The following RBPJL variants were observed in gnomAD, a reference collection of about 807,000 sequenced individuals.
The protein encoded by RBPJL is recombining binding protein suppressor of hairless-like protein.
RBPJL carries 50 observed loss-of-function variants against 57.6 expected under a neutral mutation model. The observed-to-expected ratio is 0.87, with a 90% CI of 0.69 to 1.10. The LOEUF (loss-of-function observed/expected upper bound fraction) is 1.10, where lower values mean the gene tolerates loss of function less well. Ranked by LOEUF, RBPJL falls within the 50% of genes least tolerant of loss-of-function variation. The pLI is 0.00. For synonymous variants in RBPJL, 303 were observed against 294.4 expected (o/e 1.03, Z -0.30); for missense variants, 684 against 693.7 (o/e 0.99, Z 0.16).
chr20:45,308,536 C>G (rs1275912376), intron 2 of RBPJL: 2 of 462,068 alleles, frequency 4.3e-6, no homozygotes, highest in Non-Finnish European at 8.0e-6. Flanking sequence ...CACTCCACAG[C>G]CGGAATTCAT....
rs1987272442 is a variant in RBPJL, at chr20:45,313,105, G to A, written c.620-363G>A. ...AGGTTCCAAAGCAGGACTGCAGCAG[G>A]TCCTGGAAAAACAGCTGTGAACTGG... On this transcript the variant is annotated intron_variant, in intron 6 of 11. Transcript: ENST00000343694. 2.0e-5 allele frequency among the ~76,000 whole-genome samples: 3 copies of A among 152,162 alleles called. No individual in the cohort carries two copies. The South Asian group carries it at 6.2e-4, about 32-fold the overall frequency.
At chr20:45,316,126 C>G in intron 9 of RBPJL, 61 bp from the exon 10 acceptor site, 1 of 1,555,458 alleles carries the variant, frequency 6.4e-7, no homozygotes, top group South Asian at 1.1e-5. Context: ...GCCATGCTGG[C>G]TCCCTACACT....
At chr20:45,310,572 A>C (rs1600714182) in intron 3 of RBPJL, among the ~76,000 whole-genome samples, 2 of 151,628 alleles carry the variant, frequency 1.3e-5, no homozygotes, top group Middle Eastern at 3.2e-3. Flanking sequence ...ATGCCACTGC[A>C]CTCCAGCCTG....
chr20:45,311,756 C>A, intron 4 of RBPJL, 83 bp from the exon 5 acceptor site: 2 of 1,542,492 alleles, frequency 1.3e-6, no homozygotes, highest in African/African-American at 1.4e-5. Flanking sequence ...AGTCTCCCCG[C>A]GCCCTCTGGC....
chr20:45,313,708 T>A, intron 7 of RBPJL, 103 bp downstream of exon 7: 1 of 1,268,506 alleles, frequency 7.9e-7, no homozygotes, highest in Non-Finnish European at 1.1e-6. Context: ...CCCATGTGAT[T>A]AAGGCTCAGA....
intron 2 of RBPJL, 89 bp downstream of exon 2, chr20:45,308,340 G>A (rs1986931147): frequency 4.5e-6 from 4 of 885,426 alleles, no homozygotes; most frequent in East Asian, 2.5e-5. Flanking sequence ...CCCAGGGCTG[G>A]CGGGTGGGGA....
At chr20:45,309,486 C>G in intron 2 of RBPJL, 81 bp from the exon 3 acceptor site, 1 of 1,457,680 alleles carries the variant, frequency 6.9e-7, no homozygotes. Flanking sequence ...CTTCATTTTA[C>G]TCAACCTGAG....
At chr20:45,307,508 T>C (rs1986830155) in intron 1 of RBPJL, among the ~76,000 whole-genome samples, 1 of 152,090 alleles carries the variant, frequency 6.6e-6, no homozygotes, top group African/African-American at 2.4e-5. Context: ...AAAGCCAACA[T>C]CCCTGGACAG....
In RBPJL at chr20:45,316,698, C is replaced by T. The variant is rs763024633; in HGVS notation, c.1293C>T (p.Ser431=). ...EAETMYRSPR[S]LVCVVPDVAA... ...GCTCCACCCCCAGGAGCCCGCGGTC[C>T]CTGGTGTGCGTGGTGCCGGACGTGG... The change falls in exon 12 of 12, where the codon TCC becomes TCT. Residue 431 remains serine (S), a synonymous_variant. Coordinates refer to ENST00000343694, the MANE Select transcript of RBPJL (RefSeq NM_014276.4). 6 of 1,606,380 alleles carry T rather than the reference C, an allele frequency of 3.7e-6. No individual in the cohort carries two copies. The East Asian group carries it at 1.1e-4, about 30-fold the overall frequency.
At chr20:45,310,388 C>G (rs1291608615) in intron 3 of RBPJL, among the ~76,000 whole-genome samples, 1 of 152,058 alleles carries the variant, frequency 6.6e-6, no homozygotes, top group Admixed American at 6.6e-5. Flanking sequence ...GGGCGGATCA[C>G]CTGAGGTCAG....
chr20:45,312,126 C>T, intron 5 of RBPJL, 95 bp from the exon 6 acceptor site: 1 of 1,578,720 alleles, frequency 6.3e-7, no homozygotes, highest in South Asian at 1.1e-5. Context: ...TTCTGGTCAC[C>T]TCCGACGGGG....
intron 6 of RBPJL, among the ~76,000 whole-genome samples, chr20:45,312,952 G>A (rs867383630): frequency 4.6e-5 from 7 of 151,668 alleles, no homozygotes; most frequent in South Asian, 2.1e-4. Context: ...AGGCTGCAGT[G>A]AGCTGTGATA....
intron 6 of RBPJL, among the ~76,000 whole-genome samples, chr20:45,313,036 G>T (rs930885250): frequency 6.6e-6 from 1 of 150,636 alleles, no homozygotes; most frequent in East Asian, 2.0e-4. Context: ...TTTTACTTTT[G>T]TTTGTTGAAC....
In RBPJL at chr20:45,312,637, G is replaced by C. The variant is rs6104112; in HGVS notation, c.619+242G>C. On this transcript the variant is annotated intron_variant, in intron 6 of 11. Transcript: ENST00000343694. ...ACAGATACCAAATTCCAGGTTGGGA[G>C]TTGGGGTCCCAGAGCAGACAAAAGT... 6.2e-3 allele frequency among the ~76,000 whole-genome samples: 937 copies of C among 152,266 alleles called. 7 individuals carry two copies. The highest frequency in any genetic ancestry group is 0.021 in the African/African-American group (865 of 41,548).
At chr20:45,308,042 C>T in intron 1 of RBPJL, 101 bp from the exon 2 acceptor site, 1 of 759,228 alleles carries the variant, frequency 1.3e-6, no homozygotes, top group East Asian at 2.5e-5. Flanking sequence ...AAGGACCCTG[C>T]AGAAGTGGGG....
rs1212438321 is a variant in RBPJL at position 45,311,587 on chromosome 20, A to C, written c.258-2A>C. ...GACTCCAACACTCACTTATCTCCGCAGGTTCTTCTGCCCCCCGCCCTGTGT... is the reference window on the plus strand; with the variant it reads ...GACTCCAACACTCACTTATCTCCGCCGGTTCTTCTGCCCCCCGCCCTGTGT... On this transcript the variant is annotated splice_acceptor_variant, in intron 3 of 11. Transcript: ENST00000343694. LOFTEE classifies it high-confidence loss of function. 6.2e-7 allele frequency: 1 copy of C among 1,614,124 alleles called. No homozygotes were observed. Among genetic ancestry groups the C allele is most frequent in the Non-Finnish European group, 8.5e-7 (1 of 1,180,004 alleles).
chr20:45,313,340 C>T (rs905971075), intron 6 of RBPJL, 128 bp from the exon 7 acceptor site: 1 of 674,886 alleles, frequency 1.5e-6, no homozygotes, highest in African/African-American at 1.8e-5. Context: ...AACCCTCACC[C>T]TAATCCTAAC....
chr20:45,308,241 A>G lies in RBPJL; in HGVS notation c.121A>G (p.Thr41Ala). 2 of 1,612,182 alleles carry G rather than the reference A, an allele frequency of 1.2e-6. No homozygotes were observed. Among genetic ancestry groups the G allele is most frequent in the Non-Finnish European group, 1.7e-6 (2 of 1,178,260 alleles). Residue 41 changes from threonine (T) to alanine (A), a missense_variant, in exon 2 of 12, where the codon ACT becomes GCT. Physicochemically the swap from Thr to Ala is moderately conservative, Grantham distance 58 (BLOSUM62 0). Transcript: ENST00000343694. ...AGCCGACAGGCGGAGCCTCCCGGGCACTTGGACCAGGTAACGGCGGCGTGG... is the reference window on the plus strand; with the variant it reads ...AGCCGACAGGCGGAGCCTCCCGGGCGCTTGGACCAGGTAACGGCGGCGTGG... ...SEADRRSLPG[T>A]WTRSSPEHTT...
chr20:45,315,262 C>T (rs1257034568), intron 9 of RBPJL, among the ~76,000 whole-genome samples: 1 of 151,812 alleles, frequency 6.6e-6, no homozygotes, highest in Non-Finnish European at 1.5e-5. Flanking sequence ...GTAGTACTCC[C>T]AAAAGAATAT....
Sources: gnomAD v4.1 joint callset for allele counts (sites outside exome capture counted in the v4.1 genomes callset) on GRCh38, gnomAD v4.1.1 for gene constraint, MANE v1.5 for transcripts, NCBI Gene and HGNC (gene_info 2026-07-23, HGNC 2026-07-21) for gene names.